DNAH2: variants seen among roughly 807,000 people sequenced by gnomAD.
DNAH2 encodes the protein axonemal beta dynein heavy chain 2.
A neutral mutation model predicts 523.5 loss-of-function variants in DNAH2; 323 were observed. The ratio of observed to expected loss-of-function variants is 0.62; its 90% CI spans 0.56 to 0.68. DNAH2 has a LOEUF of 0.68. Among genes scored for constraint, DNAH2 ranks in the 30% least tolerant of loss-of-function variants. The pLI is 0.00. For synonymous variants in DNAH2, 2,093 were observed against 2,177.4 expected (o/e 0.96, Z 1.08); for missense variants, 4,907 against 5,701.5 (o/e 0.86, Z 4.49).
Position 7,765,269 on chromosome 17 carries a change from A to C in DNAH2, c.3337-122A>C, listed in dbSNP as rs112346844. The stretch of plus-strand genomic sequence containing the variant: ...TCATCCTCCACTCATGAGAGGGCAG[A>C]CCTCCTGCTCCTGGTCATCCTCCAC... On this transcript the variant is annotated intron_variant, in intron 20 of 85. Transcript: ENST00000572933. 431 of 690,722 alleles carry C rather than the reference A, an allele frequency of 6.2e-4. 3 individuals are homozygous for C. The African/African-American group carries it at 7.3e-3, about 12-fold the overall frequency. 42.8% of individuals were successfully genotyped at this position (690,722 alleles called of 1,614,324 possible). A position where few individuals can be genotyped will look rare whatever the true frequency, so the allele number is the denominator to read the frequency against.
intron 20 of DNAH2, 35 bp downstream of exon 20, chr17:7,764,308 C>T (rs371844322): frequency 4.5e-5 from 70 of 1,566,492 alleles, no homozygotes; most frequent in Non-Finnish European, 5.5e-5. Context: ...ACCTGGGACC[C>T]GTATCAGCAG....
At chr17:7,816,883 TC>T in intron 64 of DNAH2, 148 bp downstream of exon 64, 1 of 994,186 alleles carries the variant, frequency 1.0e-6, no homozygotes, top group East Asian at 2.6e-5. Flanking sequence ...GCTCTTCCCC[TC>T]CCCCTGCACA....
rs779681615 is a variant in DNAH2, at chr17:7,819,075, G to T, written c.10815+12G>T. 7.5e-6 allele frequency: 12 copies of T among 1,601,254 alleles called. No individual in the cohort carries two copies. Among genetic ancestry groups the T allele is most frequent in the Non-Finnish European group, 1.0e-5 (12 of 1,177,622 alleles). ...ACTTGGCGCGGGAGGTAAGCTCCCG[G>T]CCCTCCAGTCCTGCCTCCCACCAGC... On this transcript the variant is annotated intron_variant, in intron 71 of 85. Coordinates refer to ENST00000572933, the MANE Select transcript of DNAH2 (RefSeq NM_020877.5).
intron 67 of DNAH2, 24 bp from the exon 68 acceptor site, chr17:7,817,922 T>C (rs1325148775): frequency 8.1e-6 from 13 of 1,613,894 alleles, no homozygotes; most frequent in Non-Finnish European, 1.1e-5. Flanking sequence ...GTAGTGTTCC[T>C]TCACCTTCCC....
chr17:7,777,677 A>G (rs1187935246), intron 33 of DNAH2, 43 bp downstream of exon 33: 1 of 1,606,820 alleles, frequency 6.2e-7, no homozygotes, highest in Non-Finnish European at 8.5e-7. Context: ...CGTAAAATGG[A>G]TCCTAATGCT....
intron 4 of DNAH2, among the ~76,000 whole-genome samples, chr17:7,731,384 A>G (rs2074983269): frequency 6.6e-6 from 1 of 152,032 alleles, no homozygotes; most frequent in African/African-American, 2.4e-5. Flanking sequence ...CTTTGGGAAG[A>G]AACCTCTCTT....
chr17:7,816,249 T>G (rs2077662245), intron 63 of DNAH2, among the ~76,000 whole-genome samples: 1 of 152,190 alleles, frequency 6.6e-6, no homozygotes, highest in Non-Finnish European at 1.5e-5. Context: ...TGCCACCATC[T>G]TGTGTGGCTT....
chr17:7,722,470 G>C (rs555171288), intron 2 of DNAH2, among the ~76,000 whole-genome samples: 201 of 152,214 alleles, frequency 1.3e-3, no homozygotes, highest in African/African-American at 4.6e-3. Flanking sequence ...GCCACTTTAA[G>C]CACCTTGAGA....
chr17:7,830,254 TGA>T (rs1188548830), intron 77 of DNAH2, 44 bp from the exon 78 acceptor site: 1 of 1,566,556 alleles, frequency 6.4e-7, no homozygotes, highest in Non-Finnish European at 8.6e-7. Flanking sequence ...GTGGCAGGTC[TGA>T]GTGTGATGCA....
At chr17:7,811,003 A>G (rs577709100) in intron 63 of DNAH2, among the ~76,000 whole-genome samples, 1 of 152,364 alleles carries the variant, frequency 6.6e-6, no homozygotes, top group East Asian at 1.9e-4. Flanking sequence ...GAAGGCTCTG[A>G]AATGGGTCAG....
rs2077341455 is a variant in DNAH2 at position 7,805,380 on chromosome 17, CA to C, written c.9431del (p.Lys3144ArgfsTer4). Reference sequence around the variant, plus strand: ...GCAACGAGCCCACATGGGCAGAGGCCAAGAGGCAGCTAGGTAAGCTAGAGAC... The same window carrying C: ...GCAACGAGCCCACATGGGCAGAGGCCAGAGGCAGCTAGGTAAGCTAGAGAC... ...RGNEPTWAEA[K>X]RQLGEQNFIK... On this transcript the variant is annotated frameshift_variant, in exon 61 of 86. Transcript: ENST00000572933. LOFTEE classifies it high-confidence loss of function. The C allele has an allele frequency of 5.6e-6, 9 of 1,614,196 alleles. No homozygotes were observed. Among genetic ancestry groups the C allele is most frequent in the Non-Finnish European group, 7.6e-6 (9 of 1,180,038 alleles).
intron 32 of DNAH2, 99 bp from the exon 33 acceptor site, chr17:7,777,347 C>T: frequency 7.5e-7 from 1 of 1,339,766 alleles, no homozygotes. Context: ...CAGGTGGGGT[C>T]AGCACCGGGT....
chr17:7,749,776 C>A (rs954881619), intron 12 of DNAH2, among the ~76,000 whole-genome samples: 1 of 152,038 alleles, frequency 6.6e-6, no homozygotes, highest in East Asian at 1.9e-4. Flanking sequence ...GTGGGTGGAT[C>A]ACGAGGTCAG....
chr17:7,793,234 G>T, intron 48 of DNAH2, 29 bp downstream of exon 48: 1 of 1,601,950 alleles, frequency 6.2e-7, no homozygotes. Flanking sequence ...TGTTCTTCAG[G>T]CCTCTGCTCC....
chr17:7,767,924 T>A lies in DNAH2; in HGVS notation c.3700T>A (p.Trp1234Arg). 3 of 1,613,966 alleles carry A rather than the reference T, an allele frequency of 1.9e-6. No individual in the cohort carries two copies. Among genetic ancestry groups the A allele is most frequent in the Non-Finnish European group, 2.5e-6 (3 of 1,179,916 alleles). ...GGAGCTCGATGCCCTCCAGCAAATC[T>A]GGGAGATCGCACGAGACTGGGAGGA... ...EKELDALQQI[W>R]EIARDWEENW... The change falls in exon 23 of 86, where the codon TGG becomes AGG. Residue 1234 changes from tryptophan to arginine, a missense_variant. Transcript: ENST00000572933.
chr17:7,819,778 C>T (rs1385651814), intron 72 of DNAH2, among the ~76,000 whole-genome samples: 3 of 152,184 alleles, frequency 2.0e-5, no homozygotes, highest in Middle Eastern at 3.2e-3. Flanking sequence ...GGTGCCACTG[C>T]TCCTGGTCTG....
In DNAH2 at chr17:7,798,144, A is replaced by G. The variant is rs1168608550; in HGVS notation, c.8231-13A>G. On this transcript the variant is annotated splice_polypyrimidine_tract_variant and intron_variant, in intron 53 of 85. Coordinates refer to ENST00000572933, the MANE Select transcript of DNAH2 (RefSeq NM_020877.5). This position sits in a 1 kb window ranked among gnomAD's most constrained non-coding sequence, Gnocchi z 5.5. ...CAGCCAACTCATTACCCTCACACCC[A>G]CCCCACCCCCAGTCACACGGATCGT... is the stretch of plus-strand genomic sequence containing the variant. 1.9e-6 allele frequency: 3 copies of G among 1,576,344 alleles called. No individual in the cohort carries two copies. Among genetic ancestry groups the G allele is most frequent in the Non-Finnish European group, 2.6e-6 (3 of 1,154,662 alleles).
chr17:7,795,940 TATAAATAA>T (rs557782089), intron 49 of DNAH2, among the ~76,000 whole-genome samples: 1 of 147,204 alleles, frequency 6.8e-6, no homozygotes, highest in Non-Finnish European at 1.5e-5. Context: ...GAAGTTGCAG[TATAAATAA>T]ATAAATAAAT....
chr17:7,757,192 G>T lies in DNAH2; in HGVS notation c.2006G>T (p.Arg669Leu). The stretch of plus-strand genomic sequence containing the variant: ...GTAGCTGAGCGAGCCGAGGACCTGC[G>T]CATTCTGCGTGAAAATCTGCTACTC... ...VNVAERAEDLRILRENLLLVA... is the reference protein window; with the variant it reads ...VNVAERAEDLLILRENLLLVA... The change falls in exon 13 of 86, where the codon CGC (arginine) becomes CTC (leucine). Residue 669 changes from arginine (R) to leucine (L), a missense_variant. Physicochemically the swap from Arg to Leu is moderately radical, Grantham distance 102. This residue lies in a region of DNAH2 where 2,806 missense variants were observed against 3,190.8 expected (regional missense o/e 0.88). Transcript: ENST00000572933. 2 of 1,614,136 alleles carry T rather than the reference G, an allele frequency of 1.2e-6. No individual in the cohort carries two copies. The highest frequency in any genetic ancestry group is 1.7e-6 in the Non-Finnish European group (2 of 1,180,014).
Sources: allele counts gnomAD v4.1 joint callset (sites outside exome capture counted in the v4.1 genomes callset), GRCh38; gene constraint gnomAD v4.1.1; regional missense constraint gnomAD v4.1.1; non-coding constraint Gnocchi (gnomAD v3.1); transcripts MANE v1.5; gene names NCBI Gene and HGNC (gene_info 2026-07-23, HGNC 2026-07-21).